EGF: variants seen among roughly 807,000 people sequenced by gnomAD.
EGF encodes the protein pro-epidermal growth factor.
A neutral mutation model predicts 143.8 loss-of-function variants in EGF; 95 were observed. The observed-to-expected ratio is 0.66, with a 90% CI of 0.56 to 0.78. The LOEUF (loss-of-function observed/expected upper bound fraction) is 0.78. Among genes scored for constraint, EGF ranks in the 30% least tolerant of loss-of-function variants. The probability of loss-of-function intolerance (pLI) is 0.00; values close to 1 mark genes in which losing one functional copy is unlikely to be tolerated. For missense variants in EGF, 1,320 were observed against 1,470.9 expected, an observed-to-expected ratio of 0.90 and a Z score of 1.68; for synonymous variants, 510 against 510.5, an observed-to-expected ratio of 1.00 and a Z score of 0.01.
chr4:109,920,473 CGAG>C (rs968702852), intron 1 of EGF, among the ~76,000 whole-genome samples: 11 of 151,396 alleles, frequency 7.3e-5, no homozygotes, highest in Admixed American at 5.2e-4. Flanking sequence ...CTTGATGGGG[CGAG>C]GAGAAGAGAG....
chr4:109,988,642 C>G lies in EGF; in HGVS notation c.2667C>G (p.Ile889Met). 1 of 1,614,078 alleles carries G rather than the reference C, an allele frequency of 6.2e-7. No homozygotes were observed. Among genetic ancestry groups the G allele is most frequent in the South Asian group, 1.1e-5 (1 of 91,082 alleles). ...PVCPPASSKC[I>M]NTEGGYVCRC... The stretch of plus-strand genomic sequence containing the variant: ...GCCCCCCTGCCTCCTCCAAGTGCAT[C>G]AACACCGAAGGTGGTTATGTCTGCC... Residue 889 changes from isoleucine (I) to methionine (M), a missense_variant, in exon 18 of 24, where the codon ATC (isoleucine) becomes ATG (methionine). Coordinates refer to ENST00000265171, the MANE Select transcript of EGF (RefSeq NM_001963.6).
rs1560783297 is a variant in EGF, at chr4:110,012,159, G to A, written c.*704G>A. The stretch of plus-strand genomic sequence containing the variant: ...CTCTTGGTGTGATTGCACAGAATTT[G>A]TATGTATTTTCAGTTACAAGATTGT... On this transcript the variant is annotated 3_prime_UTR_variant, in exon 24 of 24. Transcript: ENST00000265171. 6.6e-6 allele frequency: 1 copy of A among 152,030 alleles called. No individual in the cohort carries two copies. The highest frequency in any genetic ancestry group is 1.5e-5 in the Non-Finnish European group (1 of 68,020). The allele number at this position is 152,030 out of a possible 1,614,324, so 9.4% of individuals were successfully genotyped here. A position where few individuals can be genotyped will look rare whatever the true frequency, so the allele number is the denominator to read the frequency against.
intron 19 of EGF, among the ~76,000 whole-genome samples, chr4:109,994,354 A>G (rs911430141): frequency 6.6e-6 from 1 of 152,200 alleles, no homozygotes; most frequent in Non-Finnish European, 1.5e-5. Flanking sequence ...GTTTTAAACC[A>G]TAGAGTTACC....
intron 19 of EGF, 72 bp from the exon 20 acceptor site, chr4:109,994,661 A>G: frequency 6.6e-7 from 1 of 1,515,896 alleles, no homozygotes; most frequent in Admixed American, 1.7e-5. Flanking sequence ...CACAGAAACT[A>G]GTTCCTCATA....
chr4:109,966,076 A>G lies in EGF; in HGVS notation c.1575+1539A>G, dbSNP rs557335861. ...ATACATTTTAAATTTTTATAGGTTT[A>G]GGGGTACAAGTACAGTTGTCTTACA... On this transcript the variant is annotated intron_variant, in intron 10 of 23. Coordinates refer to ENST00000265171, the MANE Select transcript of EGF (RefSeq NM_001963.6). 1.0e-3 allele frequency among the ~76,000 whole-genome samples: 154 copies of G among 151,978 alleles called. 2 individuals carry two copies. Among genetic ancestry groups the G allele is most frequent in the African/African-American group, 3.7e-3 (152 of 41,506 alleles).
rs777583222 is a variant in EGF at position 109,963,186 on chromosome 4, C to T, written c.1326C>T (p.Pro442=). 3.0e-5 allele frequency: 48 copies of T among 1,613,914 alleles called. No homozygotes were observed. The Middle Eastern group carries it at 4.9e-4, about 17-fold the overall frequency. Residue 442 remains proline (P), a synonymous_variant, in exon 9 of 24, where the codon CCC becomes CCT. Transcript: ENST00000265171. The part of the protein sequence containing the change: ...DGKTCSGCSS[P]DNGGCSQLCV... ...TTGTTTTTGTAGGTTGTTCCTCACC[C>T]GATAATGGTGGATGTAGCCAGCTCT...
In EGF at chr4:109,999,217, G is replaced by A. The variant is rs143920246; in HGVS notation, c.3006-462G>A. ...AGGTTATGTGTTCTGTTTAGAAACT[G>A]TACACATTCTTCTTTTATAGCCTGG... On this transcript the variant is annotated intron_variant, in intron 20 of 23. Coordinates refer to ENST00000265171, the MANE Select transcript of EGF (RefSeq NM_001963.6). Among the ~76,000 whole-genome samples, 21 of 152,210 alleles carry A rather than the reference G, an allele frequency of 1.4e-4. 1 individual carries two copies. In the East Asian group the frequency reaches 4.1e-3, roughly 29 times the overall value.
intron 11 of EGF, among the ~76,000 whole-genome samples, chr4:109,972,267 T>C (rs906665236): frequency 6.6e-6 from 1 of 152,232 alleles, no homozygotes; most frequent in African/African-American, 2.4e-5. Flanking sequence ...GTTTGAGATT[T>C]GCTCTCTAGC....
At chr4:109,949,203 G>T (rs879373644) in intron 5 of EGF, among the ~76,000 whole-genome samples, 1 of 151,896 alleles carries the variant, frequency 6.6e-6, no homozygotes, top group Non-Finnish European at 1.5e-5. Context: ...TGAGTCACTG[G>T]GATTACAGGC....
At position 109,945,244 on chromosome 4, in the gene EGF, A is replaced by G. The variant is rs757041257; in HGVS notation, c.909A>G (p.Gln303=). 6.2e-7 allele frequency: 1 copy of G among 1,614,106 alleles called. No homozygotes were observed. The highest frequency in any genetic ancestry group is 1.1e-5 in the South Asian group (1 of 91,070). ...GELKVVHPLA[Q]PKAEDDTWEP... ...TGAAAGTAGTGCATCCACTTGCACAACCCAAGGCAGAAGATGACACTTGGG... is the reference window on the plus strand; with the variant it reads ...TGAAAGTAGTGCATCCACTTGCACAGCCCAAGGCAGAAGATGACACTTGGG... Residue 303 remains glutamine, a synonymous_variant, in exon 5 of 24, where the codon CAA becomes CAG. Transcript: ENST00000265171.
rs35084748 is a variant in EGF, at chr4:109,927,848, T to TGTGTGA, written c.128-13097_128-13096insTGTGAG. On this transcript the variant is annotated intron_variant, in intron 1 of 23. Coordinates refer to ENST00000265171, the MANE Select transcript of EGF (RefSeq NM_001963.6). ...GTGTGTGTGTGTGTGTGTGTGTGTGTGAAACATTTGGAAAAACTTTTCTAA... is the reference window on the plus strand; with the variant it reads ...GTGTGTGTGTGTGTGTGTGTGTGTGTGTGTGAGAAACATTTGGAAAAACTTTTCTAA... 7.0e-3 allele frequency among the ~76,000 whole-genome samples: 993 copies of TGTGTGA among 142,534 alleles called. 16 individuals are homozygous for TGTGTGA. The highest frequency in any genetic ancestry group is 0.022 in the African/African-American group (852 of 38,660). The allele number at this position is 142,534 out of a possible 152,430, so 93.5% of individuals were successfully genotyped here.
chr4:109,987,873 G>A lies in EGF; in HGVS notation c.2608+13G>A. The A allele has an allele frequency of 6.3e-7, 1 of 1,592,748 alleles. No individual in the cohort carries two copies. ...AAACTATGTTCTGGTAAGAGAAAAG[G>A]GCAAATTCACATATTTGGACAATAC... On this transcript the variant is annotated intron_variant, in intron 17 of 23. Transcript: ENST00000265171.
At chr4:109,947,402 T>C (rs1743045313) in intron 5 of EGF, among the ~76,000 whole-genome samples, 1 of 151,480 alleles carries the variant, frequency 6.6e-6, no homozygotes, top group Non-Finnish European at 1.5e-5. Context: ...TAAGATGGAG[T>C]CTTGCTCTGT....
chr4:109,980,105 A>G lies in EGF; in HGVS notation c.2187A>G (p.Ser729=). 4 of 1,613,138 alleles carry G rather than the reference A, an allele frequency of 2.5e-6. No homozygotes were observed. The South Asian group carries it at 4.4e-5, about 18-fold the overall frequency. ...TCCAAGGCAGCATGCTGAAGCCCTC[A>G]TCACTGGTTGTGGTTCATCCATTGG... The part of the protein sequence containing the change: ...VRLQGSMLKP[S]SLVVVHPLAK... Residue 729 remains serine, a synonymous_variant, in exon 14 of 24, where the codon TCA becomes TCG. Transcript: ENST00000265171.
chr4:109,985,724 C>A (rs536689538), intron 16 of EGF, among the ~76,000 whole-genome samples: 17 of 152,326 alleles, frequency 1.1e-4, no homozygotes, highest in African/African-American at 3.8e-4. Context: ...TCACACTGTA[C>A]TTCAATAACT....
chr4:109,991,254 C>A (rs545085640), intron 18 of EGF, among the ~76,000 whole-genome samples: 29 of 152,172 alleles, frequency 1.9e-4, no homozygotes, highest in African/African-American at 7.0e-4. Context: ...ATTTAATATT[C>A]TTTTTTATTT....
intron 4 of EGF, among the ~76,000 whole-genome samples, chr4:109,944,413 TG>T (rs1358818957): frequency 2.6e-5 from 4 of 152,232 alleles, no homozygotes; most frequent in Non-Finnish European, 5.9e-5. Context: ...CACTCCAGCC[TG>T]GGCGACAGAG....
chr4:109,914,695 C>T (rs1358137241), intron 1 of EGF, among the ~76,000 whole-genome samples: 1 of 152,188 alleles, frequency 6.6e-6, no homozygotes, highest in Non-Finnish European at 1.5e-5. Context: ...AATGAGGCGT[C>T]TTTCTCTGAT....
intron 5 of EGF, among the ~76,000 whole-genome samples, chr4:109,954,660 C>T (rs924772176): frequency 6.6e-6 from 1 of 152,072 alleles, no homozygotes; most frequent in African/African-American, 2.4e-5. Flanking sequence ...AAAAATATAG[C>T]CACGTTTTTA....
Sources: gnomAD v4.1 joint callset for allele counts (sites outside exome capture counted in the v4.1 genomes callset) on GRCh38, gnomAD v4.1.1 for gene constraint, MANE v1.5 for transcripts, NCBI Gene and HGNC (gene_info 2026-07-23, HGNC 2026-07-21) for gene names.